The following CBFA2T2 variants were observed in gnomAD, a reference collection of about 807,000 sequenced individuals.
CBFA2T2 encodes the protein CBFA2/RUNX1 partner transcriptional co-repressor 2.
In CBFA2T2, 11 loss-of-function variants were observed where a neutral mutation model predicts 62.2. That is an observed-to-expected ratio of 0.18 (90% CI 0.11 to 0.29). The LOEUF (loss-of-function observed/expected upper bound fraction) is 0.29. Ranked by LOEUF, CBFA2T2 falls within the 10% of genes least tolerant of loss-of-function variation. The pLI, the probability that CBFA2T2 is intolerant of heterozygous loss-of-function variation, is 1.00. For synonymous variants in CBFA2T2, 295 were observed against 287.5 expected (o/e 1.03, Z -0.27); for missense variants, 592 against 774.1 (o/e 0.76, Z 2.79).
intron 1 of CBFA2T2, among the ~76,000 whole-genome samples, chr20:33,586,030 C>T (rs554935815): frequency 2.0e-5 from 3 of 152,294 alleles, no homozygotes; most frequent in South Asian, 4.1e-4. Flanking sequence ...TATTCTTCTA[C>T]CTTCTTTGCA....
chr20:33,549,420 C>G (rs1209395821), intron 1 of CBFA2T2, among the ~76,000 whole-genome samples: 1 of 152,112 alleles, frequency 6.6e-6, no homozygotes, highest in Admixed American at 6.6e-5. Flanking sequence ...GAATACTACT[C>G]AGCAGTAAAA....
intron 1 of CBFA2T2, among the ~76,000 whole-genome samples, chr20:33,499,063 T>A (rs1170556948): frequency 1.4e-5 from 2 of 138,202 alleles, no homozygotes; most frequent in South Asian, 2.3e-4. Flanking sequence ...AAAAAAAAAA[T>A]AAGCAGAGAG....
Position 33,647,173 on chromosome 20 carries a change from A to G in CBFA2T2, c.*2527A>G, listed in dbSNP as rs917590154. 1 of 152,206 alleles carries G rather than the reference A, an allele frequency of 6.6e-6. No individual in the cohort carries two copies. Among genetic ancestry groups the G allele is most frequent in the Non-Finnish European group, 1.5e-5 (1 of 68,066 alleles). The allele number at this position is 152,206 out of a possible 1,614,324, so 9.4% of individuals were successfully genotyped here. A position where few individuals can be genotyped will look rare whatever the true frequency, so the allele number is the denominator to read the frequency against. On this transcript the variant is annotated 3_prime_UTR_variant, in exon 11 of 11. Transcript: ENST00000342704. Reference sequence around the variant, plus strand: ...GAGTCAGTACCCCGGACAGGGCCACATTTGCATGAGACATGGCTGTCTCAC... The same window carrying G: ...GAGTCAGTACCCCGGACAGGGCCACGTTTGCATGAGACATGGCTGTCTCAC...
In CBFA2T2 at chr20:33,545,005, T is replaced by A. The variant is rs373423187; in HGVS notation, c.34+54704T>A. Among the ~76,000 whole-genome samples the A allele has an allele frequency of 1.7e-3, 219 of 128,996 alleles. 6 individuals are homozygous for A. The highest frequency in any genetic ancestry group is 6.0e-3 in the African/African-American group (213 of 35,372). 84.6% of individuals were successfully genotyped at this position (128,996 alleles called of 152,430 possible). On this transcript the variant is annotated intron_variant, in intron 1 of 10. Transcript: ENST00000342704. Reference sequence around the variant, plus strand: ...TAGAATAGAATAGAATAGAATAGAATAGAATAGAACAGAACAGAATGCAAG... The same window carrying A: ...TAGAATAGAATAGAATAGAATAGAAAAGAATAGAACAGAACAGAATGCAAG...
At chr20:33,638,435 ATAGC>A in intron 9 of CBFA2T2, among the ~76,000 whole-genome samples, 1 of 152,306 alleles carries the variant, frequency 6.6e-6, no homozygotes, top group East Asian at 1.9e-4. Context: ...CTCCAGTAAG[ATAGC>A]TAGCCAAACC....
At chr20:33,599,436 T>C (rs1954605040) in intron 1 of CBFA2T2, among the ~76,000 whole-genome samples, 1 of 152,240 alleles carries the variant, frequency 6.6e-6, no homozygotes, top group African/African-American at 2.4e-5. Context: ...ATAATAATGA[T>C]AAATTAATTT....
chr20:33,574,164 C>T, intron 1 of CBFA2T2: 2 of 1,608,882 alleles, frequency 1.2e-6, no homozygotes, highest in South Asian at 1.1e-5. Flanking sequence ...TGTGATGTTG[C>T]ATTCATCTTT....
At chr20:33,498,808 C>T (rs969832824) in intron 1 of CBFA2T2, among the ~76,000 whole-genome samples, 33 of 151,800 alleles carry the variant, frequency 2.2e-4, no homozygotes, top group Admixed American at 1.2e-3. Context: ...TTTGGGAGGC[C>T]GAGGCGGGCG....
chr20:33,642,112 TTTTTTGTGTG>T (rs1294869217), intron 10 of CBFA2T2, among the ~76,000 whole-genome samples: 3,715 of 74,592 alleles, frequency 0.05, 75 homozygotes, highest in Middle Eastern at 0.087. Flanking sequence ...TGTCTTTTTT[TTTTTTGTGTG>T]TGTGTGTGTG....
chr20:33,518,672 T>A (rs1314333205), intron 1 of CBFA2T2, among the ~76,000 whole-genome samples: 1 of 150,672 alleles, frequency 6.6e-6, no homozygotes, highest in African/African-American at 2.4e-5. Flanking sequence ...CTTGGGAGGC[T>A]GAGGCAGGAG....
intron 1 of CBFA2T2, among the ~76,000 whole-genome samples, chr20:33,553,290 A>G (rs1223130099): frequency 6.6e-6 from 1 of 152,168 alleles, no homozygotes; most frequent in African/African-American, 2.4e-5. Flanking sequence ...AATGGTGCAC[A>G]GTCTTGGCTC....
chr20:33,559,193 T>TTTTTTTTTTTC (rs1555835221), intron 1 of CBFA2T2, among the ~76,000 whole-genome samples: 23 of 144,004 alleles, frequency 1.6e-4, no homozygotes, highest in African/African-American at 6.3e-4. Context: ...TTTTTTTTTT[T>TTTTTTTTTTTC]CTGAGATGGA....
intron 1 of CBFA2T2, among the ~76,000 whole-genome samples, chr20:33,508,871 G>A (rs1272856028): frequency 1.3e-5 from 2 of 152,170 alleles, no homozygotes; most frequent in East Asian, 1.9e-4. Context: ...TTTGATTTCA[G>A]CTTTTTAGCT....
At chr20:33,525,544 A>G (rs1315303729) in intron 1 of CBFA2T2, among the ~76,000 whole-genome samples, 2 of 152,046 alleles carry the variant, frequency 1.3e-5, no homozygotes, top group African/African-American at 4.8e-5. Flanking sequence ...ACAAGGTTTT[A>G]TAACCATCAC....
chr20:33,511,252 G>T (rs534743787), intron 1 of CBFA2T2, among the ~76,000 whole-genome samples: 1 of 151,992 alleles, frequency 6.6e-6, no homozygotes, highest in Non-Finnish European at 1.5e-5. Context: ...TTTCTTCTAG[G>T]GTTTTTATGG....
rs745356668 is a variant in CBFA2T2 at position 33,644,609 on chromosome 20, C to T, written c.1751C>T (p.Pro584Leu). 6.2e-7 allele frequency: 1 copy of T among 1,610,696 alleles called. No individual in the cohort carries two copies. The highest frequency in any genetic ancestry group is 8.5e-7 in the Non-Finnish European group (1 of 1,177,234). ...TSATTSRSST[P>L]ASVTAIDTNG... ...GCAACCACATCGCGTTCCTCAACAC[C>T]TGCTTCTGTGACAGCTATCGACACC... is the stretch of plus-strand genomic sequence containing the variant. The change falls in exon 11 of 11, where the codon CCT becomes CTT. Residue 584 changes from proline to leucine, a missense_variant. Pro to Leu is a moderately conservative substitution (Grantham distance 98, BLOSUM62 -3). Around this residue, in one of 3 missense-constraint regions of CBFA2T2, gnomAD observed 85 missense variants for 99.0 expected, o/e 0.86. Transcript: ENST00000342704.
intron 1 of CBFA2T2, among the ~76,000 whole-genome samples, chr20:33,520,513 G>A (rs1332392476): frequency 6.6e-6 from 1 of 152,092 alleles, no homozygotes. Context: ...GTTCACACCT[G>A]TAATCCCAGC....
intron 1 of CBFA2T2, among the ~76,000 whole-genome samples, chr20:33,506,334 T>C (rs879493689): frequency 6.6e-5 from 10 of 152,176 alleles, no homozygotes; most frequent in Non-Finnish European, 1.3e-4. Flanking sequence ...TGGCCAGTAC[T>C]ACTACAATAC....
chr20:33,502,865 C>T (rs1195756169), intron 1 of CBFA2T2, among the ~76,000 whole-genome samples: 2 of 149,968 alleles, frequency 1.3e-5, no homozygotes, highest in Non-Finnish European at 3.0e-5. Context: ...CCGAGGGGGG[C>T]GGATCACGAG....
Sources: gnomAD v4.1 joint callset for allele counts (sites outside exome capture counted in the v4.1 genomes callset) on GRCh38, gnomAD v4.1.1 for gene constraint, gnomAD v4.1.1 regional missense constraint, MANE v1.5 for transcripts, NCBI Gene and HGNC (gene_info 2026-07-23, HGNC 2026-07-21) for gene names.